Variants in FARP2 observed in about 807,000 individuals in gnomAD.
FARP2 encodes FERM, ARHGEF and pleckstrin domain-containing protein 2.
A neutral mutation model predicts 130.5 loss-of-function variants in FARP2; 111 were observed. That is an observed-to-expected ratio of 0.85 (90% confidence interval 0.73 to 1.00). The LOEUF (loss-of-function observed/expected upper bound fraction) is 1.00, where lower values mean the gene tolerates loss of function less well. FARP2 is among the 50% of genes least tolerant of loss of function. The pLI, the probability that FARP2 is intolerant of heterozygous loss-of-function variation, is 0.00. For missense variants in FARP2, 1,385 were observed against 1,346.3 expected, an observed-to-expected ratio of 1.03 and a Z score of -0.45; for synonymous variants, 504 against 516.9, an observed-to-expected ratio of 0.98 and a Z score of 0.34.
chr2:241,387,420 G>T (rs1340617936), intron 2 of FARP2: 1 of 152,190 alleles, frequency 6.6e-6, no homozygotes. Context: ...CAGGAAGGTT[G>T]CAGGATACAA....
At chr2:241,387,661 T>A (rs62193211) in intron 2 of FARP2, among the ~76,000 whole-genome samples, 16,723 of 151,602 alleles carry the variant, frequency 0.11, 1,177 homozygotes, top group Non-Finnish European at 0.15. Flanking sequence ...GGCGTGGTGG[T>A]GGGTGCCTGT....
At chr2:241,425,925 C>T (rs1408212602) in intron 8 of FARP2, among the ~76,000 whole-genome samples, 5 of 149,114 alleles carry the variant, frequency 3.4e-5, no homozygotes, top group Non-Finnish European at 5.9e-5. Flanking sequence ...GAGCATTTGG[C>T]GATTTTTTTT....
intron 13 of FARP2, chr2:241,456,530 T>G: frequency 1.8e-6 from 1 of 547,968 alleles, no homozygotes; most frequent in Admixed American, 3.5e-5. Flanking sequence ...TGTGGATTGC[T>G]CTCTGAAATT....
At chr2:241,373,946 G>A (rs902163729) in intron 2 of FARP2, among the ~76,000 whole-genome samples, 6 of 151,808 alleles carry the variant, frequency 4.0e-5, no homozygotes, top group Non-Finnish European at 8.8e-5. Context: ...TCCATGTGAT[G>A]TATTAGAAAA....
chr2:241,479,899 C>G (rs1010193163), intron 19 of FARP2, among the ~76,000 whole-genome samples: 3 of 152,188 alleles, frequency 2.0e-5, no homozygotes, highest in African/African-American at 4.8e-5. Context: ...ATCACAAATG[C>G]CTTTCTCTCA....
rs77858194 is a variant in FARP2, at chr2:241,416,710, G to A, written c.624-1252G>A. Among the ~76,000 whole-genome samples, 1,031 of 151,884 alleles carry A rather than the reference G, an allele frequency of 6.8e-3. 10 individuals are homozygous for A. The highest frequency in any genetic ancestry group is 0.023 in the African/African-American group (964 of 41,444). ...GAGAGGCCAACAAGTTTGAGTCCAGGAGTTCAAGACACCCTGGGCAACATG... is the reference window on the plus strand; with the variant it reads ...GAGAGGCCAACAAGTTTGAGTCCAGAAGTTCAAGACACCCTGGGCAACATG... On this transcript the variant is annotated intron_variant, in intron 7 of 26. Transcript: ENST00000264042.
chr2:241,367,671 G>T (rs1336445794), intron 1 of FARP2, among the ~76,000 whole-genome samples: 2 of 152,096 alleles, frequency 1.3e-5, no homozygotes, highest in Non-Finnish European at 2.9e-5. Flanking sequence ...AAAGCAGACA[G>T]TGAAAAATAT....
At chr2:241,437,947 G>A (rs1559769786) in intron 12 of FARP2, among the ~76,000 whole-genome samples, 2 of 152,134 alleles carry the variant, frequency 1.3e-5, no homozygotes, top group South Asian at 2.1e-4. Flanking sequence ...ATACAGGCAT[G>A]AGCCACCACG....
intron 2 of FARP2, among the ~76,000 whole-genome samples, chr2:241,384,360 C>A (rs113636311): frequency 0.016 from 2,469 of 152,168 alleles, 44 homozygotes; most frequent in African/African-American, 0.043. Context: ...AGAGGGGATC[C>A]CAGTCCTACT....
At position 241,434,287 on chromosome 2, in the gene FARP2, G is replaced by A. The variant is rs878978115; in HGVS notation, c.997G>A (p.Val333Ile). 70 of 1,612,982 alleles carry A rather than the reference G, an allele frequency of 4.3e-5. No homozygotes were observed. Among genetic ancestry groups the A allele is most frequent in the South Asian group, 2.9e-4 (26 of 90,788 alleles). The change falls in exon 10 of 27, where the codon GTC becomes ATC. Residue 333 changes from valine to isoleucine, a missense_variant. Transcript: ENST00000264042. Reference sequence around the variant, plus strand: ...CCAACCTAAGCCAAAAGCAAAAGCCGTCTTCTTCAGCCGGGGCTCCTCCTT... The same window carrying A: ...CCAACCTAAGCCAAAAGCAAAAGCCATCTTCTTCAGCCGGGGCTCCTCCTT... ...LDQPKPKAKA[V>I]FFSRGSSFRY...
intron 13 of FARP2, chr2:241,441,892 C>G (rs1208197946): frequency 3.5e-5 from 14 of 399,864 alleles, no homozygotes; most frequent in South Asian, 3.2e-4. Context: ...TGTAGTCCCA[C>G]AGGAATCTCA....
At chr2:241,451,939 G>C (rs2063669425) in intron 13 of FARP2, among the ~76,000 whole-genome samples, 1 of 152,062 alleles carries the variant, frequency 6.6e-6, no homozygotes, top group Non-Finnish European at 1.5e-5. Context: ...ATTTTTAGTA[G>C]AGATGGGGTT....
chr2:241,366,468 A>G (rs1244375049), intron 1 of FARP2, among the ~76,000 whole-genome samples: 3 of 152,042 alleles, frequency 2.0e-5, no homozygotes, highest in Non-Finnish European at 4.4e-5. Context: ...GGCAATTAAA[A>G]AAAATAACCT....
At chr2:241,490,969 G>A in intron 22 of FARP2, 92 bp from the exon 23 acceptor site, 1 of 921,358 alleles carries the variant, frequency 1.1e-6, no homozygotes, top group Non-Finnish European at 1.8e-6. Flanking sequence ...GAATGTGAGA[G>A]AACAGGTGCC....
chr2:241,466,307 A>G (rs1574882198), intron 17 of FARP2: 1 of 985,432 alleles, frequency 1.0e-6, no homozygotes, highest in Non-Finnish European at 1.2e-6. Flanking sequence ...TCTTGGAAAG[A>G]GGGGCCCTTG....
At chr2:241,440,311 G>A (rs943046367) in intron 12 of FARP2, among the ~76,000 whole-genome samples, 20 of 152,214 alleles carry the variant, frequency 1.3e-4, no homozygotes, top group African/African-American at 3.4e-4. Flanking sequence ...TCCCCAAAGC[G>A]TGACTGCATC....
At chr2:241,383,362 A>G (rs1175891096) in intron 2 of FARP2, among the ~76,000 whole-genome samples, 1 of 152,260 alleles carries the variant, frequency 6.6e-6, no homozygotes, top group Non-Finnish European at 1.5e-5. Context: ...CCACACTCCC[A>G]CAGCCCTGTT....
At chr2:241,400,868 C>A (rs1377133797) in intron 2 of FARP2, among the ~76,000 whole-genome samples, 1 of 152,148 alleles carries the variant, frequency 6.6e-6, no homozygotes, top group Non-Finnish European at 1.5e-5. Flanking sequence ...GCATACTCCA[C>A]GGTTCATAAT....
chr2:241,438,829 A>G (rs4305267), intron 12 of FARP2, among the ~76,000 whole-genome samples: 1 of 151,242 alleles, frequency 6.6e-6, no homozygotes, highest in Non-Finnish European at 1.5e-5. Context: ...ACGGGGTTTC[A>G]CTGTGTTAGC....
Sources: gnomAD v4.1 joint callset for allele counts (sites outside exome capture counted in the v4.1 genomes callset) on GRCh38, gnomAD v4.1.1 for gene constraint, MANE v1.5 for transcripts, NCBI Gene and HGNC (gene_info 2026-07-23, HGNC 2026-07-21) for gene names.